MACROD2: variants seen among roughly 807,000 people sequenced by gnomAD.
MACROD2 encodes mono-ADP ribosylhydrolase 2.
In MACROD2, 36 loss-of-function variants were observed where a neutral mutation model predicts 70.4. That is an observed-to-expected ratio of 0.51 (90% confidence interval 0.39 to 0.68). The LOEUF (loss-of-function observed/expected upper bound fraction) is 0.68, where lower values mean the gene tolerates loss of function less well. MACROD2 is among the 30% of genes least tolerant of loss of function. MACROD2 has a pLI of 0.00. For missense variants in MACROD2, 496 were observed against 538.4 expected, an observed-to-expected ratio of 0.92 and a Z score of 0.78; for synonymous variants, 172 against 178.8, an observed-to-expected ratio of 0.96 and a Z score of 0.30.
intron 5 of MACROD2, among the ~76,000 whole-genome samples, chr20:15,056,196 A>G (rs1237060949): frequency 1.3e-5 from 2 of 152,184 alleles, no homozygotes; most frequent in Non-Finnish European, 2.9e-5. Flanking sequence ...TAAAACACAG[A>G]GCACTCTTCT....
At chr20:15,548,616 G>C (rs890092401) in intron 8 of MACROD2, among the ~76,000 whole-genome samples, 1 of 152,140 alleles carries the variant, frequency 6.6e-6, no homozygotes, top group Admixed American at 6.6e-5. Context: ...GGCTGGTCCT[G>C]AACTCCTGAC....
chr20:15,779,732 G>C (rs2051797380), intron 8 of MACROD2, among the ~76,000 whole-genome samples: 1 of 152,092 alleles, frequency 6.6e-6, no homozygotes, highest in Non-Finnish European at 1.5e-5. Context: ...TTCCCATAAA[G>C]ACTTACCTTT....
At chr20:14,937,320 G>A (rs2074349107) in intron 5 of MACROD2, among the ~76,000 whole-genome samples, 1 of 152,088 alleles carries the variant, frequency 6.6e-6, no homozygotes, top group South Asian at 2.1e-4. Context: ...TGGTGGTGGT[G>A]GTTGTAGGGC....
At chr20:14,012,733 A>G (rs754565788) in intron 2 of MACROD2, among the ~76,000 whole-genome samples, 8 of 152,210 alleles carry the variant, frequency 5.3e-5, no homozygotes, top group Non-Finnish European at 1.0e-4. Flanking sequence ...GACAACTGCA[A>G]GAGATCCACT....
chr20:15,156,147 T>G (rs1289161478), intron 5 of MACROD2, among the ~76,000 whole-genome samples: 1 of 152,190 alleles, frequency 6.6e-6, no homozygotes, highest in South Asian at 2.1e-4. Context: ...CACCTTCTTT[T>G]TGAGATGTGA....
chr20:14,646,741 A>G (rs1028961745), intron 4 of MACROD2, among the ~76,000 whole-genome samples: 15 of 152,112 alleles, frequency 9.9e-5, no homozygotes, highest in Non-Finnish European at 8.8e-5. Flanking sequence ...ATGAAAAGTA[A>G]CCATATTTCA....
chr20:14,329,156 A>G (rs938458394), intron 3 of MACROD2: 2 of 152,094 alleles, frequency 1.3e-5, no homozygotes, highest in Non-Finnish European at 2.9e-5. Flanking sequence ...AGCTATTTCC[A>G]GCTTTTGCTT....
intron 12 of MACROD2, among the ~76,000 whole-genome samples, chr20:15,957,318 T>C (rs2065991401): frequency 6.6e-6 from 1 of 152,222 alleles, no homozygotes; most frequent in Admixed American, 6.5e-5. Context: ...ATTTGAATTT[T>C]TTACAAAAAT....
intron 9 of MACROD2, among the ~76,000 whole-genome samples, chr20:15,876,154 G>A (rs2064670012): frequency 7.6e-6 from 1 of 132,158 alleles, no homozygotes; most frequent in Non-Finnish European, 1.5e-5. Flanking sequence ...TAGGGTACAT[G>A]TGCACAAAGT....
At chr20:14,088,894 T>A (rs1762167935) in intron 3 of MACROD2, among the ~76,000 whole-genome samples, 2 of 152,250 alleles carry the variant, frequency 1.3e-5, no homozygotes, top group Non-Finnish European at 2.9e-5. Context: ...CAGTTGGCTC[T>A]GGTGTTTTTT....
chr20:14,615,122 G>A (rs921194940), intron 4 of MACROD2, among the ~76,000 whole-genome samples: 2 of 152,088 alleles, frequency 1.3e-5, no homozygotes, highest in South Asian at 2.1e-4. Flanking sequence ...TGGGGCTGGG[G>A]TGACTCTTCA....
At chr20:14,877,250 C>T (rs559028421) in intron 5 of MACROD2, among the ~76,000 whole-genome samples, 15 of 152,002 alleles carry the variant, frequency 9.9e-5, no homozygotes, top group Non-Finnish European at 2.2e-4. Context: ...ATTTGGCTCT[C>T]AGGTTGAATA....
intron 2 of MACROD2, among the ~76,000 whole-genome samples, chr20:14,079,543 A>G (rs1267728720): frequency 1.3e-5 from 2 of 152,208 alleles, no homozygotes; most frequent in African/African-American, 4.8e-5. Context: ...GTAAAAAGAG[A>G]TGAAACATAT....
chr20:14,029,630 G>A (rs1460070551), intron 2 of MACROD2, among the ~76,000 whole-genome samples: 1 of 152,228 alleles, frequency 6.6e-6, no homozygotes, highest in African/African-American at 2.4e-5. Context: ...GAATGAAGTG[G>A]ACTCTGACAG....
intron 6 of MACROD2, among the ~76,000 whole-genome samples, chr20:15,310,100 C>T (rs2077736392): frequency 6.6e-6 from 1 of 152,180 alleles, no homozygotes; most frequent in South Asian, 2.1e-4. Context: ...TGTATTATCT[C>T]ATCTGTAAAA....
intron 3 of MACROD2, among the ~76,000 whole-genome samples, chr20:14,462,958 T>G (rs999227899): frequency 6.6e-6 from 1 of 152,122 alleles, no homozygotes; most frequent in Non-Finnish European, 1.5e-5. Flanking sequence ...TAGTTTGAAG[T>G]CAGGTAGCAT....
intron 3 of MACROD2, among the ~76,000 whole-genome samples, chr20:14,389,192 T>G (rs570971299): frequency 6.6e-6 from 1 of 151,960 alleles, no homozygotes; most frequent in Admixed American, 6.5e-5. Context: ...CGGCCAATTA[T>G]TATTATTATT....
intron 9 of MACROD2, among the ~76,000 whole-genome samples, chr20:15,869,234 T>TAC (rs1198181652): frequency 3.2e-5 from 1 of 31,678 alleles, no homozygotes; most frequent in Non-Finnish European, 8.9e-5. Flanking sequence ...TATATATATA[T>TAC]ATATAGAGAG....
intron 5 of MACROD2, among the ~76,000 whole-genome samples, chr20:15,098,971 T>G (rs984729564): frequency 3.9e-5 from 6 of 152,228 alleles, no homozygotes; most frequent in Admixed American, 1.3e-4. Flanking sequence ...CTTACAAGTT[T>G]GCCAGCAGTA....
Sources: allele counts gnomAD v4.1 joint callset (sites outside exome capture counted in the v4.1 genomes callset), GRCh38; gene constraint gnomAD v4.1.1; transcripts MANE v1.5; gene names NCBI Gene and HGNC (gene_info 2026-07-23, HGNC 2026-07-21).